PRTFDC1: variants seen among roughly 807,000 people sequenced by gnomAD.
The protein encoded by PRTFDC1 is phosphoribosyltransferase domain-containing protein 1.
PRTFDC1 carries 38 observed loss-of-function variants against 34.6 expected under a neutral mutation model. That is an observed-to-expected ratio of 1.10 (90% CI 0.85 to 1.44). PRTFDC1 has a LOEUF of 1.44. Ranked by LOEUF, PRTFDC1 falls within the 40% of genes most tolerant of loss-of-function variation. The pLI is 0.00. For missense variants in PRTFDC1, 270 were observed against 283.0 expected (o/e 0.95, Z 0.33); for synonymous variants, 93 against 98.1 (o/e 0.95, Z 0.31).
At chr10:24,904,802 C>T (rs1848506591) in intron 3 of PRTFDC1, among the ~76,000 whole-genome samples, 1 of 152,212 alleles carries the variant, frequency 6.6e-6, no homozygotes, top group Non-Finnish European at 1.5e-5. Flanking sequence ...CTGTGGATTT[C>T]ATCCCAAATT....
At chr10:24,921,164 G>A (rs1848781416) in intron 3 of PRTFDC1, among the ~76,000 whole-genome samples, 1 of 151,878 alleles carries the variant, frequency 6.6e-6, no homozygotes, top group Admixed American at 6.6e-5. Context: ...CTCAGATATC[G>A]CTGGAGTAAG....
rs995928999 is a variant in PRTFDC1 at position 24,866,433 on chromosome 10, TG to T, written c.405+5564del. Among the ~76,000 whole-genome samples the T allele has an allele frequency of 2.4e-4, 37 of 151,972 alleles. 1 individual carries two copies. The highest frequency in any genetic ancestry group is 4.4e-4 in the Non-Finnish European group (30 of 67,978). ...TTGGGGGGCATGTCTCCCAAAATCT[TG>T]GGCTTAACCTGCACATCTGTGTTTT... On this transcript the variant is annotated intron_variant, in intron 4 of 8. Transcript: ENST00000320152.
chr10:24,925,862 G>A (rs183924611), intron 3 of PRTFDC1, among the ~76,000 whole-genome samples: 1 of 152,330 alleles, frequency 6.6e-6, no homozygotes, highest in African/African-American at 2.4e-5. Flanking sequence ...CTGTGGAACT[G>A]CTAGGCAGCC....
chr10:24,940,978 A>G (rs1373285290), intron 2 of PRTFDC1, among the ~76,000 whole-genome samples: 1 of 152,084 alleles, frequency 6.6e-6, no homozygotes, highest in East Asian at 1.9e-4. Flanking sequence ...TTTACTAAAA[A>G]TCATTTAGTT....
At chr10:24,894,375 CTGCT>C (rs1198176832) in intron 3 of PRTFDC1, among the ~76,000 whole-genome samples, 1 of 151,446 alleles carries the variant, frequency 6.6e-6, no homozygotes, top group East Asian at 1.9e-4. Flanking sequence ...TAGGAGGGCA[CTGCT>C]GGCCCTTTGG....
intron 3 of PRTFDC1, among the ~76,000 whole-genome samples, chr10:24,880,831 C>CTTTCT (rs745968198): frequency 2.9e-4 from 40 of 137,568 alleles, no homozygotes; most frequent in Middle Eastern, 3.6e-3. Context: ...TTCTTTCTTT[C>CTTTCT]TTTCTTTCTT....
In PRTFDC1 at chr10:24,952,464, A is replaced by C; in HGVS notation, c.48+64T>G. On this transcript the variant is annotated intron_variant, in intron 1 of 8. Coordinates refer to ENST00000320152, the MANE Select transcript of PRTFDC1 (RefSeq NM_020200.7). This position sits in a 1 kb window ranked among gnomAD's most constrained non-coding sequence, Gnocchi z 5.1. The stretch of plus-strand genomic sequence containing the variant: ...CCGACGCACGGCAAGCATTTAATCT[A>C]CAAGCAGGGTGCCAGGGAGGGAGGG... 6.6e-7 allele frequency: 1 copy of C among 1,507,254 alleles called. No homozygotes were observed. Among genetic ancestry groups the C allele is most frequent in the Non-Finnish European group, 9.0e-7 (1 of 1,106,930 alleles). The allele number at this position is 1,507,254 out of a possible 1,614,324, so 93.4% of individuals were successfully genotyped here.
intron 5 of PRTFDC1, among the ~76,000 whole-genome samples, chr10:24,857,698 G>C (rs1847606368): frequency 6.6e-6 from 1 of 151,958 alleles, no homozygotes; most frequent in Non-Finnish European, 1.5e-5. Context: ...TACTGAGCAA[G>C]AACTCCAGAT....
intron 1 of PRTFDC1, among the ~76,000 whole-genome samples, chr10:24,942,836 T>G (rs1386419711): frequency 1.3e-5 from 2 of 152,070 alleles, no homozygotes; most frequent in African/African-American, 4.8e-5. Flanking sequence ...TCAGTGGAGA[T>G]GAGGTTTTGC....
At chr10:24,868,888 T>C (rs1044386295) in intron 4 of PRTFDC1, among the ~76,000 whole-genome samples, 2 of 152,032 alleles carry the variant, frequency 1.3e-5, no homozygotes, top group Admixed American at 6.5e-5. Flanking sequence ...CCAATCCTTA[T>C]TTTTTAAATT....
chr10:24,889,556 G>A (rs1207439487), intron 3 of PRTFDC1, among the ~76,000 whole-genome samples: 2 of 152,134 alleles, frequency 1.3e-5, no homozygotes, highest in Admixed American at 1.3e-4. Context: ...ATAGAGCTAA[G>A]GGGAAAAGGC....
At chr10:24,856,113 CAAAAAAAAAAAAAAA>C (rs56982921) in intron 6 of PRTFDC1, among the ~76,000 whole-genome samples, 4 of 41,100 alleles carry the variant, frequency 9.7e-5, no homozygotes, top group African/African-American at 4.3e-4. Context: ...GACTCCGTCT[CAAAAAAAAAAAAAAA>C]AAAAAAAAAA....
Position 24,895,253 on chromosome 10 carries a change from C to CTTTTTTTTTT in PRTFDC1, c.340-23200_340-23191dup, listed in dbSNP as rs60331186. ...TCCTTCTTCTGGAAATCTCCACTTTCTTTTTTTTTTTTTTTTTGAGATGGA... is the reference window on the plus strand; with the variant it reads ...TCCTTCTTCTGGAAATCTCCACTTTCTTTTTTTTTTTTTTTTTTTTTTTTTTTGAGATGGA... On this transcript the variant is annotated intron_variant, in intron 3 of 8. Transcript: ENST00000320152. Among the ~76,000 whole-genome samples the CTTTTTTTTTT allele has an allele frequency of 1.0e-2, 1,049 of 104,996 alleles. 35 individuals carry two copies. The highest frequency in any genetic ancestry group is 0.017 in the Middle Eastern group (3 of 174). The allele number at this position is 104,996 out of a possible 152,430, so 68.9% of individuals were successfully genotyped here.
chr10:24,926,776 A>G (rs1236188129), intron 3 of PRTFDC1, among the ~76,000 whole-genome samples: 1 of 152,120 alleles, frequency 6.6e-6, no homozygotes, highest in Non-Finnish European at 1.5e-5. Flanking sequence ...TCCTGGATTC[A>G]ACCCCAGCCT....
At position 24,891,693 on chromosome 10, in the gene PRTFDC1, G is replaced by C. The variant is rs1011430461; in HGVS notation, c.340-19630C>G. ...GAGGTGTGAGGATTGCTTGAGCCCA[G>C]GAGGCTGCAGTGAGCTGTAATCGTG... On this transcript the variant is annotated intron_variant, in intron 3 of 8. Coordinates refer to ENST00000320152, the MANE Select transcript of PRTFDC1 (RefSeq NM_020200.7). 7.9e-5 allele frequency among the ~76,000 whole-genome samples: 12 copies of C among 152,162 alleles called. No individual in the cohort carries two copies. The East Asian group carries it at 2.3e-3, about 29-fold the overall frequency.
chr10:24,904,190 G>A (rs1253085846), intron 3 of PRTFDC1, among the ~76,000 whole-genome samples: 2 of 152,018 alleles, frequency 1.3e-5, no homozygotes, highest in African/African-American at 4.8e-5. Flanking sequence ...AACAAAGGGA[G>A]TTGTTTCAGT....
chr10:24,883,068 CA>C (rs1848106936), intron 3 of PRTFDC1, among the ~76,000 whole-genome samples: 2 of 146,466 alleles, frequency 1.4e-5, no homozygotes, highest in Non-Finnish European at 3.0e-5. Flanking sequence ...TTATATATAC[CA>C]ATATTTATAT....
At chr10:24,926,913 C>T (rs1848884793) in intron 3 of PRTFDC1, among the ~76,000 whole-genome samples, 2 of 151,854 alleles carry the variant, frequency 1.3e-5, no homozygotes, top group African/African-American at 2.4e-5. Context: ...TTGCTTTTCA[C>T]AAGGAAAAAC....
At position 24,942,392 on chromosome 10, in the gene PRTFDC1, G is replaced by T. The variant is rs779146121; in HGVS notation, c.93C>A (p.Tyr31Ter). Reference protein sequence around the residue: ...WPGYDLNLFTYPQHYYGDLEY... With the variant: ...WPGYDLNLFT ...CCAAGTCTCCATAATAGTGCTGTGGGTACGTGAATAAATTCAAGTCATACC... is the reference window on the plus strand; with the variant it reads ...CCAAGTCTCCATAATAGTGCTGTGGTTACGTGAATAAATTCAAGTCATACC... Residue 31 changes from tyrosine to a stop codon, truncating the protein, a stop_gained, in exon 2 of 9, where the codon TAC becomes TAA. Transcript: ENST00000320152. LOFTEE classifies it high-confidence loss of function. 3.7e-6 allele frequency: 6 copies of T among 1,613,818 alleles called. No homozygotes were observed. The highest frequency in any genetic ancestry group is 5.1e-6 in the Non-Finnish European group (6 of 1,179,762).
Sources: allele counts gnomAD v4.1 joint callset (sites outside exome capture counted in the v4.1 genomes callset), GRCh38; gene constraint gnomAD v4.1.1; non-coding constraint Gnocchi (gnomAD v3.1); transcripts MANE v1.5; gene names NCBI Gene and HGNC (gene_info 2026-07-23, HGNC 2026-07-21).